The following CLSTN2 variants were observed in gnomAD, a reference collection of about 807,000 sequenced individuals.
The protein encoded by CLSTN2 is calsyntenin-2.
A neutral mutation model predicts 101.2 loss-of-function variants in CLSTN2; 48 were observed. The ratio of observed to expected loss-of-function variants is 0.47; its 90% CI spans 0.38 to 0.60. The LOEUF is 0.60. Ranked by LOEUF, CLSTN2 falls within the 20% of genes least tolerant of loss-of-function variation. The pLI, the probability that CLSTN2 is intolerant of heterozygous loss-of-function variation, is 0.00. For synonymous variants in CLSTN2, 481 were observed against 463.6 expected, an observed-to-expected ratio of 1.04 and a Z score of -0.48; for missense variants, 1,160 against 1,238.2, an observed-to-expected ratio of 0.94 and a Z score of 0.95.
intron 8 of CLSTN2, among the ~76,000 whole-genome samples, chr3:140,470,344 G>A (rs892517350): frequency 3.9e-5 from 6 of 152,244 alleles, no homozygotes; most frequent in African/African-American, 1.4e-4. Flanking sequence ...GGCCGGATCA[G>A]GGGAGTCTGT....
intron 1 of CLSTN2, among the ~76,000 whole-genome samples, chr3:139,970,340 G>A (rs774277294): frequency 6.6e-6 from 1 of 152,112 alleles, no homozygotes; most frequent in Non-Finnish European, 1.5e-5. Context: ...CTCTCCATAC[G>A]CTGCCAATAG....
At chr3:140,326,317 T>C (rs2087331978) in intron 2 of CLSTN2, among the ~76,000 whole-genome samples, 1 of 152,094 alleles carries the variant, frequency 6.6e-6, no homozygotes, top group Non-Finnish European at 1.5e-5. Flanking sequence ...GGATGTGGAG[T>C]TGGGGAGGCA....
intron 2 of CLSTN2, among the ~76,000 whole-genome samples, chr3:140,386,074 A>G (rs1193655385): frequency 6.6e-6 from 1 of 151,888 alleles, no homozygotes; most frequent in East Asian, 1.9e-4. Context: ...TCAATCACCA[A>G]CCTTTACTAT....
intron 8 of CLSTN2, among the ~76,000 whole-genome samples, chr3:140,488,071 C>G (rs1389441230): frequency 6.6e-6 from 1 of 152,128 alleles, no homozygotes; most frequent in African/African-American, 2.4e-5. Flanking sequence ...AAAAATATCC[C>G]TCTGCCACAT....
chr3:140,215,289 T>A (rs569675314), intron 2 of CLSTN2, among the ~76,000 whole-genome samples: 1 of 152,328 alleles, frequency 6.6e-6, no homozygotes, highest in Admixed American at 6.5e-5. Flanking sequence ...TACTTGTGTT[T>A]TATATGGCAA....
intron 1 of CLSTN2, among the ~76,000 whole-genome samples, chr3:140,035,831 C>G (rs994008096): frequency 1.3e-5 from 2 of 152,206 alleles, no homozygotes; most frequent in Non-Finnish European, 2.9e-5. Flanking sequence ...ATCCTGAGCT[C>G]CTTGCCTGTG....
chr3:140,329,322 G>T (rs1226279428), intron 2 of CLSTN2, among the ~76,000 whole-genome samples: 1 of 152,216 alleles, frequency 6.6e-6, no homozygotes, highest in Non-Finnish European at 1.5e-5. Context: ...GAACCTGGAG[G>T]TTGCAGTGAG....
chr3:140,120,917 G>A (rs912820571), intron 1 of CLSTN2, among the ~76,000 whole-genome samples: 1 of 152,122 alleles, frequency 6.6e-6, no homozygotes, highest in Non-Finnish European at 1.5e-5. Context: ...TGGCGGCCAG[G>A]TACACACACA....
chr3:140,022,176 A>G (rs2007332510), intron 1 of CLSTN2, among the ~76,000 whole-genome samples: 1 of 152,228 alleles, frequency 6.6e-6, no homozygotes, highest in Non-Finnish European at 1.5e-5. Context: ...AGAGAAGCAC[A>G]GAAGTGCTGG....
chr3:140,523,870 A>C (rs920880886), intron 8 of CLSTN2, among the ~76,000 whole-genome samples: 1 of 152,038 alleles, frequency 6.6e-6, no homozygotes, highest in Non-Finnish European at 1.5e-5. Context: ...ACTCACATCA[A>C]AGCCCTCTCA....
chr3:140,042,948 C>A (rs542430197), intron 1 of CLSTN2, among the ~76,000 whole-genome samples: 4 of 152,102 alleles, frequency 2.6e-5, no homozygotes, highest in South Asian at 2.1e-4. Flanking sequence ...GTTGGTTCCA[C>A]GTCTTTGCTA....
chr3:140,059,433 A>G (rs1173125416), intron 1 of CLSTN2, among the ~76,000 whole-genome samples: 3 of 152,152 alleles, frequency 2.0e-5, no homozygotes, highest in African/African-American at 4.8e-5. Context: ...CCAGGGAATT[A>G]AGACACAGGT....
At chr3:140,331,393 C>G (rs1394696203) in intron 2 of CLSTN2, among the ~76,000 whole-genome samples, 1 of 152,084 alleles carries the variant, frequency 6.6e-6, no homozygotes, top group Non-Finnish European at 1.5e-5. Context: ...CTGAAAATAC[C>G]CTCTCAGACA....
chr3:140,345,359 C>A (rs1433997009), intron 2 of CLSTN2, among the ~76,000 whole-genome samples: 1 of 151,706 alleles, frequency 6.6e-6, no homozygotes, highest in African/African-American at 2.4e-5. Context: ...AGCGATTCTC[C>A]TGCCTCAGCC....
intron 1 of CLSTN2, among the ~76,000 whole-genome samples, chr3:140,099,179 C>G (rs1047635613): frequency 2.6e-5 from 4 of 152,094 alleles, no homozygotes; most frequent in Non-Finnish European, 5.9e-5. Flanking sequence ...CCTAGAAGTC[C>G]TACTATATTA....
intron 8 of CLSTN2, among the ~76,000 whole-genome samples, chr3:140,480,925 T>G (rs1934103171): frequency 6.6e-6 from 1 of 152,210 alleles, no homozygotes. Flanking sequence ...TAGTTTCTTT[T>G]GCTGTGCAGA....
chr3:140,180,837 G>T (rs991327298), intron 2 of CLSTN2, among the ~76,000 whole-genome samples: 9 of 152,180 alleles, frequency 5.9e-5, no homozygotes, highest in African/African-American at 1.9e-4. Context: ...TACAGTGCTG[G>T]TTGCAGCTGG....
intron 1 of CLSTN2, among the ~76,000 whole-genome samples, chr3:140,144,043 G>C (rs2009743341): frequency 6.6e-6 from 1 of 152,202 alleles, no homozygotes; most frequent in Non-Finnish European, 1.5e-5. Context: ...TCATTTCCAG[G>C]CTGAGGTTTG....
chr3:139,988,223 C>T lies in CLSTN2; in HGVS notation c.109+52740C>T, dbSNP rs566362957. Among the ~76,000 whole-genome samples the T allele has an allele frequency of 3.3e-5, 5 of 152,290 alleles. No homozygotes were observed. In the South Asian group the frequency reaches 1.0e-3, roughly 32 times the overall value. Reference sequence around the variant, plus strand: ...TGGTGCTACCAGCCAGAGTTTCAAACATTTTTCTTTACTTTGTTGGGCCCA... The same window carrying T: ...TGGTGCTACCAGCCAGAGTTTCAAATATTTTTCTTTACTTTGTTGGGCCCA... On this transcript the variant is annotated intron_variant, in intron 1 of 16. Coordinates refer to ENST00000458420, the MANE Select transcript of CLSTN2 (RefSeq NM_022131.3).
Sources: allele counts gnomAD v4.1 joint callset (sites outside exome capture counted in the v4.1 genomes callset), GRCh38; gene constraint gnomAD v4.1.1; transcripts MANE v1.5; gene names NCBI Gene and HGNC (gene_info 2026-07-23, HGNC 2026-07-21).